DLG2: variants seen among roughly 807,000 people sequenced by gnomAD.
The protein encoded by DLG2 is discs large MAGUK scaffold protein 2, also known as disks large homolog 2.
DLG2 carries 45 observed loss-of-function variants against 132.5 expected under a neutral mutation model. That is an observed-to-expected ratio of 0.34 (90% CI 0.27 to 0.44). The LOEUF (loss-of-function observed/expected upper bound fraction) is 0.44. DLG2 is among the 20% of genes least tolerant of loss of function. DLG2 has a pLI of 1.00. For synonymous variants in DLG2, 424 were observed against 419.6 expected (o/e 1.01, Z -0.13); for missense variants, 1,045 against 1,196.9 (o/e 0.87, Z 1.87).
chr11:84,717,129 T>C (rs2153789043), intron 6 of DLG2, among the ~76,000 whole-genome samples: 1 of 152,068 alleles, frequency 6.6e-6, no homozygotes. Flanking sequence ...GAGCAAACAG[T>C]TTTAGTGTTT....
intron 6 of DLG2, among the ~76,000 whole-genome samples, chr11:85,073,458 A>C (rs2066135272): frequency 6.6e-6 from 1 of 151,854 alleles, no homozygotes; most frequent in Non-Finnish European, 1.5e-5. Context: ...TTGCGTAAGT[A>C]AATTCAGGCA....
chr11:84,291,614 G>A (rs2097999664), intron 7 of DLG2, among the ~76,000 whole-genome samples: 1 of 152,100 alleles, frequency 6.6e-6, no homozygotes, highest in African/African-American at 2.4e-5. Context: ...TGATTTATAT[G>A]CAGAAAAACA....
intron 6 of DLG2, among the ~76,000 whole-genome samples, chr11:84,935,650 A>G (rs1181632432): frequency 6.6e-6 from 1 of 152,176 alleles, no homozygotes; most frequent in East Asian, 1.9e-4. Flanking sequence ...ACTGGGGAAG[A>G]GTGTTATTGG....
At chr11:84,532,116 C>CTTTT (rs1565211965) in intron 7 of DLG2, among the ~76,000 whole-genome samples, 10 of 69,926 alleles carry the variant, frequency 1.4e-4, no homozygotes, top group Non-Finnish European at 2.1e-4. Flanking sequence ...TTGTTCTGTT[C>CTTTT]ATTTTTTTTT....
chr11:85,500,997 C>A (rs1486749778), intron 3 of DLG2, among the ~76,000 whole-genome samples: 2 of 152,190 alleles, frequency 1.3e-5, no homozygotes, highest in African/African-American at 4.8e-5. Flanking sequence ...CTGGAGGCAT[C>A]ACACTACCTG....
At chr11:85,571,875 T>A (rs1354912508) in intron 3 of DLG2, among the ~76,000 whole-genome samples, 2 of 152,200 alleles carry the variant, frequency 1.3e-5, no homozygotes, top group African/African-American at 4.8e-5. Flanking sequence ...GAGATAAAGA[T>A]AAATCTTTTG....
intron 8 of DLG2, among the ~76,000 whole-genome samples, chr11:84,239,476 C>A (rs1451223201): frequency 6.6e-6 from 1 of 152,038 alleles, no homozygotes; most frequent in Non-Finnish European, 1.5e-5. Flanking sequence ...GTCACCATGC[C>A]CAGCCTGGAA....
intron 10 of DLG2, among the ~76,000 whole-genome samples, chr11:84,080,338 C>T (rs2096885033): frequency 6.6e-6 from 1 of 152,148 alleles, no homozygotes; most frequent in African/African-American, 2.4e-5. Flanking sequence ...AATGAAAACC[C>T]TGAAACTACC....
At chr11:84,591,253 G>GTGTGTGTGTC in intron 6 of DLG2, among the ~76,000 whole-genome samples, 1 of 150,752 alleles carries the variant, frequency 6.6e-6, no homozygotes, top group East Asian at 1.9e-4. Context: ...GTGTGTGTGT[G>GTGTGTGTGTC]TGTGCGCGTC....
chr11:84,572,390 C>T (rs1361428068), intron 6 of DLG2, among the ~76,000 whole-genome samples: 2 of 152,072 alleles, frequency 1.3e-5, no homozygotes, highest in East Asian at 1.9e-4. Flanking sequence ...CTTCAAGAAG[C>T]CTTGCTTCTT....
chr11:83,846,223 C>G (rs1258829774), intron 16 of DLG2, among the ~76,000 whole-genome samples: 1 of 152,130 alleles, frequency 6.6e-6, no homozygotes, highest in Non-Finnish European at 1.5e-5. Context: ...CGGAGATATG[C>G]AAGATGTATT....
At chr11:85,031,539 T>C (rs187770579) in intron 6 of DLG2, among the ~76,000 whole-genome samples, 191 of 152,284 alleles carry the variant, frequency 1.3e-3, no homozygotes, top group Non-Finnish European at 2.3e-3. Flanking sequence ...ATTACTTTCC[T>C]TCTTCATAAT....
At chr11:83,854,208 C>T (rs1258786980) in intron 16 of DLG2, among the ~76,000 whole-genome samples, 2 of 151,978 alleles carry the variant, frequency 1.3e-5, no homozygotes, top group Non-Finnish European at 2.9e-5. Context: ...AACTACAAAA[C>T]TCTGATGCAA....
chr11:84,178,783 C>T (rs1429825024), intron 8 of DLG2, among the ~76,000 whole-genome samples: 1 of 151,758 alleles, frequency 6.6e-6, no homozygotes, highest in Non-Finnish European at 1.5e-5. Flanking sequence ...ACATCAGTAG[C>T]TATATACTGC....
chr11:84,262,339 G>A (rs1196215392), intron 7 of DLG2, among the ~76,000 whole-genome samples: 1 of 152,172 alleles, frequency 6.6e-6, no homozygotes, highest in East Asian at 1.9e-4. Flanking sequence ...GTGGGAGGAA[G>A]TATGGGATTT....
At chr11:83,851,318 G>A (rs1286390329) in intron 16 of DLG2, among the ~76,000 whole-genome samples, 1 of 151,994 alleles carries the variant, frequency 6.6e-6, no homozygotes, top group African/African-American at 2.4e-5. Context: ...CAATCTGACG[G>A]GTCTCCTTAT....
Position 85,591,603 on chromosome 11 carries a change from C to T in DLG2, c.40+7054G>A, listed in dbSNP as rs149875979. Among the ~76,000 whole-genome samples the T allele has an allele frequency of 9.1e-3, 1,389 of 152,146 alleles. 19 individuals carry two copies. The highest frequency in any genetic ancestry group is 0.03 in the African/African-American group (1,239 of 41,506). On this transcript the variant is annotated intron_variant, in intron 3 of 27. Transcript: ENST00000376104. ...AAAAAAAATACAAAAATTAGCTGGG[C>T]GTGGTGGCACATGCCTGTAGTCCCA... is the stretch of plus-strand genomic sequence containing the variant.
chr11:85,350,741 G>A (rs1442888555), intron 3 of DLG2, among the ~76,000 whole-genome samples: 3 of 152,106 alleles, frequency 2.0e-5, no homozygotes, highest in African/African-American at 4.8e-5. Context: ...TTATTTCTGA[G>A]GCCTCTGTTC....
chr11:85,136,501 G>A (rs913730976), intron 5 of DLG2, among the ~76,000 whole-genome samples: 4 of 151,938 alleles, frequency 2.6e-5, no homozygotes, highest in African/African-American at 9.7e-5. Flanking sequence ...AACAGACACA[G>A]TGCTCAGTTG....
Sources: gnomAD v4.1 joint callset for allele counts (sites outside exome capture counted in the v4.1 genomes callset) on GRCh38, gnomAD v4.1.1 for gene constraint, MANE v1.5 for transcripts, NCBI Gene and HGNC (gene_info 2026-07-23, HGNC 2026-07-21) for gene names.